The following ZC3H13 variants were observed in gnomAD, a reference collection of about 807,000 sequenced individuals.
ZC3H13 encodes the protein zinc finger CCCH domain-containing protein 13.
A neutral mutation model predicts 204.1 loss-of-function variants in ZC3H13; 64 were observed. That is an observed-to-expected ratio of 0.31 (90% CI 0.26 to 0.39). The LOEUF (loss-of-function observed/expected upper bound fraction) is 0.39. Among genes scored for constraint, ZC3H13 ranks in the 10% least tolerant of loss-of-function variants. ZC3H13 has a pLI of 1.00. For missense variants in ZC3H13, 1,833 were observed against 2,082.7 expected (o/e 0.88, Z 2.33); for synonymous variants, 667 against 693.7 (o/e 0.96, Z 0.60).
intron 17 of ZC3H13, 49 bp from the exon 18 acceptor site, chr13:45,959,695 G>T: frequency 2.8e-6 from 4 of 1,444,962 alleles, no homozygotes; most frequent in East Asian, 2.7e-5. Flanking sequence ...AATAGAAAAG[G>T]GTTACCAACT....
intron 15 of ZC3H13, among the ~76,000 whole-genome samples, chr13:45,966,776 T>G (rs1952124350): frequency 6.6e-6 from 1 of 152,180 alleles, no homozygotes; most frequent in Non-Finnish European, 1.5e-5. Context: ...AGAGAAGGCT[T>G]CATCGAGAAA....
chr13:45,958,750 G>C (rs1951464095), intron 18 of ZC3H13, among the ~76,000 whole-genome samples: 1 of 149,096 alleles, frequency 6.7e-6, no homozygotes, highest in Non-Finnish European at 1.5e-5. Context: ...CCGCCTCCTG[G>C]TTTACGCCAT....
chr13:45,969,293 G>A lies in ZC3H13; in HGVS notation c.3251C>T (p.Thr1084Ile). The A allele has an allele frequency of 6.2e-7, 1 of 1,613,888 alleles. No homozygotes were observed. The highest frequency in any genetic ancestry group is 8.5e-7 in the Non-Finnish European group (1 of 1,180,004). ...ACTACCAGGAGTCGTGGCGGTGGCA[G>A]TATGCTCTGCTTCTGTCACCTCTGT... The part of the protein sequence containing the change: ...DRTEVTEAEH[T>I]ATATTPGSTP... Residue 1084 changes from threonine to isoleucine, a missense_variant, in exon 14 of 19, where the codon ACT (threonine) becomes ATT (isoleucine). Physicochemically the swap from Thr to Ile is moderately conservative, Grantham distance 89 (BLOSUM62 -1). Coordinates refer to ENST00000679008, the MANE Select transcript of ZC3H13 (RefSeq NM_001330564.2).
At chr13:45,961,382 G>T (rs1325965587) in intron 17 of ZC3H13, among the ~76,000 whole-genome samples, 2 of 151,582 alleles carry the variant, frequency 1.3e-5, no homozygotes, top group East Asian at 1.9e-4. Flanking sequence ...ACCTCCTCAG[G>T]GAGTATAAAA....
intron 8 of ZC3H13, among the ~76,000 whole-genome samples, chr13:46,002,027 A>C (rs1412627698): frequency 1.3e-5 from 2 of 152,184 alleles, no homozygotes; most frequent in Non-Finnish European, 2.9e-5. Context: ...AATGTCCAGA[A>C]TATATAACGA....
In ZC3H13 at chr13:45,975,585, CTCTT is replaced by C; in HGVS notation, c.2162_2165del (p.Lys721ArgfsTer143). On this transcript the variant is annotated frameshift_variant, in exon 12 of 19. Coordinates refer to ENST00000679008, the MANE Select transcript of ZC3H13 (RefSeq NM_001330564.2). LOFTEE classifies it high-confidence loss of function. Reference sequence around the variant, plus strand: ...GGTCTCTATCCCTTTCACGATCTCTCTCTTTTTCTCTTTCTCTCTCCCGTTCCCT... The same window carrying C: ...GGTCTCTATCCCTTTCACGATCTCTCTTTCTCTTTCTCTCTCCCGTTCCCT... The C allele has an allele frequency of 2.5e-6, 4 of 1,569,106 alleles. No homozygotes were observed. The highest frequency in any genetic ancestry group is 3.5e-6 in the Non-Finnish European group (4 of 1,156,782).
intron 15 of ZC3H13, among the ~76,000 whole-genome samples, chr13:45,966,128 T>C (rs1952063750): frequency 1.3e-5 from 2 of 152,256 alleles, no homozygotes. Context: ...ATGCTAAACT[T>C]TGTCTCTTGG....
intron 4 of ZC3H13, among the ~76,000 whole-genome samples, chr13:46,028,224 G>A (rs2042661896): frequency 6.6e-6 from 1 of 152,184 alleles, no homozygotes; most frequent in Non-Finnish European, 1.5e-5. Flanking sequence ...TAAGTTATCA[G>A]AGACAAAGAG....
At chr13:45,958,021 T>C (rs865952022) in intron 18 of ZC3H13, among the ~76,000 whole-genome samples, 6 of 152,302 alleles carry the variant, frequency 3.9e-5, no homozygotes, top group Middle Eastern at 3.4e-3. Context: ...AAGTGCATAC[T>C]GAAATCAGGG....
chr13:46,041,278 C>G (rs1362893871), intron 4 of ZC3H13, among the ~76,000 whole-genome samples: 2 of 152,060 alleles, frequency 1.3e-5, no homozygotes, highest in African/African-American at 4.8e-5. Context: ...GCATCCCATA[C>G]TCTTTCACGA....
intron 17 of ZC3H13, among the ~76,000 whole-genome samples, chr13:45,960,763 A>G (rs1380011239): frequency 6.6e-6 from 1 of 152,228 alleles, no homozygotes; most frequent in Admixed American, 6.5e-5. Context: ...CAACACGCTC[A>G]AGCAGGTTAC....
chr13:46,000,178 G>A (rs1412681890), intron 8 of ZC3H13, among the ~76,000 whole-genome samples: 1 of 152,136 alleles, frequency 6.6e-6, no homozygotes, highest in Non-Finnish European at 1.5e-5. Flanking sequence ...ACCCCCAGCT[G>A]CACTGGCCCC....
chr13:45,991,108 G>A (rs1033605230), intron 8 of ZC3H13, among the ~76,000 whole-genome samples: 13 of 152,056 alleles, frequency 8.5e-5, no homozygotes, highest in Non-Finnish European at 1.9e-4. Context: ...GATGGTTCTC[G>A]TCAATTTAAA....
At chr13:46,031,605 T>C (rs2042903831) in intron 4 of ZC3H13, among the ~76,000 whole-genome samples, 1 of 152,076 alleles carries the variant, frequency 6.6e-6, no homozygotes, top group South Asian at 2.1e-4. Flanking sequence ...AAACAACCTG[T>C]TTTTAAAAAT....
intron 5 of ZC3H13, among the ~76,000 whole-genome samples, chr13:46,014,324 G>A (rs1276187457): frequency 6.6e-6 from 1 of 151,944 alleles, no homozygotes; most frequent in African/African-American, 2.4e-5. Context: ...CATGCATTAA[G>A]TACTTGTCCT....
rs556061989 is a variant in ZC3H13 at position 45,979,185 on chromosome 13, A to G, written c.1912+628T>C. Among the ~76,000 whole-genome samples, 5 of 152,270 alleles carry G rather than the reference A, an allele frequency of 3.3e-5. 1 individual carries two copies. The South Asian group carries it at 8.3e-4, about 25-fold the overall frequency. The stretch of plus-strand genomic sequence containing the variant: ...GTACAGAAATAAAAGCTTGCCAAAG[A>G]AAGTATTTACAACCCTTCTTAAGTG... On this transcript the variant is annotated intron_variant, in intron 11 of 18. Transcript: ENST00000679008.
chr13:46,045,703 G>A (rs773090875), intron 1 of ZC3H13, among the ~76,000 whole-genome samples, 187 bp from the exon 2 acceptor site: 5 of 151,956 alleles, frequency 3.3e-5, no homozygotes, highest in African/African-American at 7.3e-5. Flanking sequence ...TCTAAAACAT[G>A]CCTTACTGGT....
Position 45,954,617 on chromosome 13 carries a change from G to A in ZC3H13, c.*2510C>T, listed in dbSNP as rs1951190809. ...AAGGGAATATCCTTAAAAGTGGGAG[G>A]GGTTCATATAACCTTTTAAAATAGC... On this transcript the variant is annotated 3_prime_UTR_variant, in exon 19 of 19. Coordinates refer to ENST00000679008, the MANE Select transcript of ZC3H13 (RefSeq NM_001330564.2). 6.6e-6 allele frequency: 1 copy of A among 152,082 alleles called. No individual in the cohort carries two copies. The highest frequency in any genetic ancestry group is 2.4e-5 in the African/African-American group (1 of 41,386). 9.4% of individuals were successfully genotyped at this position (152,082 alleles called of 1,614,324 possible). A position where few individuals can be genotyped will look rare whatever the true frequency, so the allele number is the denominator to read the frequency against.
At chr13:45,961,544 G>C (rs1305767169) in intron 17 of ZC3H13, among the ~76,000 whole-genome samples, 2 of 143,658 alleles carry the variant, frequency 1.4e-5, no homozygotes, top group South Asian at 2.3e-4. Context: ...GAAGGGTAGT[G>C]GGGGTGGGGA....
Sources: gnomAD v4.1 joint callset for allele counts (sites outside exome capture counted in the v4.1 genomes callset) on GRCh38, gnomAD v4.1.1 for gene constraint, MANE v1.5 for transcripts, NCBI Gene and HGNC (gene_info 2026-07-23, HGNC 2026-07-21) for gene names.